CSPP1: variants seen among roughly 807,000 people sequenced by gnomAD.
The protein encoded by CSPP1 is centrosome and spindle pole associated protein 1, also known as centrosome and spindle pole-associated protein 1.
In CSPP1, 126 loss-of-function variants were observed where a neutral mutation model predicts 164.4. The ratio of observed to expected loss-of-function variants is 0.77; its 90% CI spans 0.66 to 0.89. The LOEUF (loss-of-function observed/expected upper bound fraction) is 0.89, where lower values mean the gene tolerates loss of function less well. Among genes scored for constraint, CSPP1 ranks in the 40% least tolerant of loss-of-function variants. The pLI is 0.00. For synonymous variants in CSPP1, 472 were observed against 476.7 expected, an observed-to-expected ratio of 0.99 and a Z score of 0.13; for missense variants, 1,395 against 1,449.8, an observed-to-expected ratio of 0.96 and a Z score of 0.61.
In CSPP1 at chr8:67,168,474, CATG is replaced by C. The variant is rs1829905403; in HGVS notation, c.2829-3939_2829-3937del. On this transcript the variant is annotated intron_variant, in intron 24 of 30. Transcript: ENST00000678616. ...TCAATTTTCTCGCTTGAAAATTATA[CATG>C]ATAATTTCTACCCTTTGAGAATCTA... is the stretch of plus-strand genomic sequence containing the variant. Among the ~76,000 whole-genome samples the C allele has an allele frequency of 5.3e-5, 8 of 152,238 alleles. No individual in the cohort carries two copies. The South Asian group carries it at 1.5e-3, about 28-fold the overall frequency.
rs1316091532 is a variant in CSPP1 at position 67,195,427 on chromosome 8, T to C, written c.3515T>C (p.Ile1172Thr). Residue 1172 changes from isoleucine (I) to threonine (T), a missense_variant, in exon 31 of 31, where the codon ATA becomes ACA. Ile to Thr is a moderately conservative substitution (Grantham distance 89). Coordinates refer to ENST00000678616, the MANE Select transcript of CSPP1 (RefSeq NM_001382391.1). ...LVDPDDIMKH[I>T]GDDGSNSVAT... ...GACCCTGATGACATCATGAAACACA[T>C]AGGGGATGACGGATCAAACTCTGTA... is the stretch of plus-strand genomic sequence containing the variant. The C allele has an allele frequency of 1.9e-6, 3 of 1,614,024 alleles. No homozygotes were observed. The highest frequency in any genetic ancestry group is 1.3e-5 in the African/African-American group (1 of 74,916).
At chr8:67,145,249 T>TTG (rs1824294269) in intron 17 of CSPP1, among the ~76,000 whole-genome samples, 1 of 152,128 alleles carries the variant, frequency 6.6e-6, no homozygotes, top group South Asian at 2.1e-4. Flanking sequence ...TGGCATAATG[T>TTG]TGTTCATAAT....
At position 67,190,742 on chromosome 8, in the gene CSPP1, T is replaced by C. The variant is rs1808140; in HGVS notation, c.3313T>C (p.Trp1105Arg). The C allele has an allele frequency of 0.013, 20,918 of 1,610,886 alleles. 510 individuals carry two copies. The highest frequency in any genetic ancestry group is 0.043 in the South Asian group (3,949 of 91,006). The change falls in exon 29 of 31, where the codon TGG (tryptophan) becomes CGG (arginine). Residue 1105 changes from tryptophan to arginine, a missense_variant. By Grantham distance (101) the Trp-to-Arg change is moderately radical. Coordinates refer to ENST00000678616, the MANE Select transcript of CSPP1 (RefSeq NM_001382391.1). ...PSARERRRNKWKGLDIDSSRP... is the reference protein window; with the variant it reads ...PSARERRRNKRKGLDIDSSRP... The stretch of plus-strand genomic sequence containing the variant: ...TGCACGGGAGCGCAGGAGGAACAAA[T>C]GGAAAGGACTAGACATTGTATGTAT...
intron 26 of CSPP1, among the ~76,000 whole-genome samples, chr8:67,176,964 C>T (rs549429615): frequency 4.0e-5 from 6 of 150,896 alleles, no homozygotes; most frequent in African/African-American, 1.2e-4. Flanking sequence ...CCAGCTACTC[C>T]GGAGCCTGAG....
intron 15 of CSPP1, among the ~76,000 whole-genome samples, chr8:67,124,173 A>C (rs1214858183): frequency 6.6e-6 from 1 of 152,218 alleles, no homozygotes; most frequent in Non-Finnish European, 1.5e-5. Flanking sequence ...TGCTGGGATT[A>C]CAGGCATGAG....
intron 3 of CSPP1, among the ~76,000 whole-genome samples, chr8:67,077,235 T>A (rs191936151): frequency 2.2e-4 from 33 of 152,068 alleles, no homozygotes; most frequent in African/African-American, 8.0e-4. Context: ...TTCAGTGTTA[T>A]CTTGAACTCC....
chr8:67,171,890 C>G (rs1377122089), intron 24 of CSPP1, among the ~76,000 whole-genome samples: 1 of 150,280 alleles, frequency 6.7e-6, no homozygotes, highest in Non-Finnish European at 1.5e-5. Context: ...CTCTGTCACC[C>G]AGGCCGGAGT....
chr8:67,069,857 G>T (rs1384998315), intron 1 of CSPP1, among the ~76,000 whole-genome samples: 1 of 151,434 alleles, frequency 6.6e-6, no homozygotes, highest in Non-Finnish European at 1.5e-5. Flanking sequence ...ACGGGGTTTC[G>T]CCATATTGGC....
intron 21 of CSPP1, among the ~76,000 whole-genome samples, chr8:67,160,404 G>T (rs1828104660): frequency 6.6e-6 from 1 of 150,798 alleles, no homozygotes; most frequent in South Asian, 2.1e-4. Flanking sequence ...GGCGGAGGTT[G>T]CAGTGAGCCG....
chr8:67,140,928 G>A (rs1324704287), intron 17 of CSPP1, among the ~76,000 whole-genome samples: 1 of 152,170 alleles, frequency 6.6e-6, no homozygotes, highest in African/African-American at 2.4e-5. Flanking sequence ...TTCAGACCTA[G>A]TTATAGGTTC....
At chr8:67,075,705 C>T (rs1807773054) in intron 2 of CSPP1, among the ~76,000 whole-genome samples, 1 of 152,176 alleles carries the variant, frequency 6.6e-6, no homozygotes, top group African/African-American at 2.4e-5. Context: ...TGTCATGTAC[C>T]AGGAATGCCA....
At chr8:67,113,729 G>A in intron 10 of CSPP1, 76 bp from the exon 11 acceptor site, 1 of 744,222 alleles carries the variant, frequency 1.3e-6, no homozygotes, top group East Asian at 2.8e-5. Flanking sequence ...TTGTGTATAA[G>A]CTTCTTTCAG....
chr8:67,118,435 G>T, intron 14 of CSPP1, 66 bp downstream of exon 14: 4 of 1,521,148 alleles, frequency 2.6e-6, no homozygotes, highest in South Asian at 1.2e-5. Context: ...GTTTTTTTGT[G>T]TAAACAAAAA....
At chr8:67,184,677 T>G (rs1365715207) in intron 28 of CSPP1, among the ~76,000 whole-genome samples, 1 of 151,318 alleles carries the variant, frequency 6.6e-6, no homozygotes, top group Non-Finnish European at 1.5e-5. Context: ...TGAGCTGAAA[T>G]CGTGCCACTG....
At chr8:67,153,793 T>A (rs956934485) in intron 18 of CSPP1, among the ~76,000 whole-genome samples, 2 of 151,766 alleles carry the variant, frequency 1.3e-5, no homozygotes, top group African/African-American at 2.4e-5. Flanking sequence ...ATCTTTCAGA[T>A]ATTATTTGAT....
chr8:67,099,579 T>C (rs1027119095), intron 7 of CSPP1, among the ~76,000 whole-genome samples: 1 of 152,160 alleles, frequency 6.6e-6, no homozygotes, highest in Admixed American at 6.5e-5. Flanking sequence ...TCTGTTTTCC[T>C]TTAATGTTGA....
chr8:67,109,423 T>C lies in CSPP1; in HGVS notation c.1094-2549T>C, dbSNP rs181021337. On this transcript the variant is annotated intron_variant, in intron 9 of 30. Transcript: ENST00000678616. ...TTCACCTGATTATATCAGGTCCACC[T>C]AAGATAATCTCTCTTTTAATTACTT... 1.1e-4 allele frequency among the ~76,000 whole-genome samples: 16 copies of C among 152,324 alleles called. No individual in the cohort carries two copies. In the East Asian group the frequency reaches 3.1e-3, roughly 29 times the overall value.
chr8:67,180,373 C>A (rs1414415548), intron 28 of CSPP1, among the ~76,000 whole-genome samples: 1 of 152,156 alleles, frequency 6.6e-6, no homozygotes, highest in Non-Finnish European at 1.5e-5. Flanking sequence ...ATTTACATAA[C>A]ATTTTTGAAA....
intron 24 of CSPP1, among the ~76,000 whole-genome samples, chr8:67,166,501 A>G (rs1829330312): frequency 6.6e-6 from 1 of 152,228 alleles, no homozygotes. Flanking sequence ...TATTGAAACA[A>G]GGTAAACAAG....
Sources: allele counts gnomAD v4.1 joint callset (sites outside exome capture counted in the v4.1 genomes callset), GRCh38; gene constraint gnomAD v4.1.1; transcripts MANE v1.5; gene names NCBI Gene and HGNC (gene_info 2026-07-23, HGNC 2026-07-21).